ACTL6B: variants seen among roughly 807,000 people sequenced by gnomAD.
The protein encoded by ACTL6B is actin like 6B, also known as actin-like protein 6B.
In ACTL6B, 48 loss-of-function variants were observed where a neutral mutation model predicts 63.3. That is an observed-to-expected ratio of 0.76 (90% CI 0.60 to 0.96). The LOEUF is 0.96. Ranked by LOEUF, ACTL6B falls within the 50% of genes least tolerant of loss-of-function variation. The pLI is 0.00. For synonymous variants in ACTL6B, 230 were observed against 223.8 expected, an observed-to-expected ratio of 1.03 and a Z score of -0.25; for missense variants, 350 against 572.2, an observed-to-expected ratio of 0.61 and a Z score of 3.96.
rs1804039560 is a variant in ACTL6B at position 100,656,347 on chromosome 7, C to G, written c.8G>C (p.Gly3Ala). 1.5e-6 allele frequency: 2 copies of G among 1,376,380 alleles called. No homozygotes were observed. Among genetic ancestry groups the G allele is most frequent in the Non-Finnish European group, 9.4e-7 (1 of 1,059,638 alleles). 85.3% of individuals were successfully genotyped at this position (1,376,380 alleles called of 1,614,324 possible). Residue 3 changes from glycine to alanine, a missense_variant, in exon 1 of 14, where the codon GGG becomes GCG. This residue lies in a region of ACTL6B where 250 missense variants were observed against 364.7 expected (regional missense o/e 0.69). Coordinates refer to ENST00000160382, the MANE Select transcript of ACTL6B (RefSeq NM_016188.5). Reference protein sequence around the residue: MSGGVYGGDEVGA... With the variant: MSAGVYGGDEVGA... ...TCGCTCACCTCCGCCGTAGACGCCC[C>G]CGCTCATAGTGCCCGCTGCGCTGCT...
Position 100,655,408 on chromosome 7 carries a change from G to T in ACTL6B, c.268+13C>A, listed in dbSNP as rs1337400181. 1.9e-6 allele frequency: 3 copies of T among 1,612,656 alleles called. No homozygotes were observed. The highest frequency in any genetic ancestry group is 2.5e-6 in the Non-Finnish European group (3 of 1,179,258). ...CCTTTTCTGTCAGGAGGTGATGGGT[G>T]GGGGCCCCTTACTCATGCCATTCTT... On this transcript the variant is annotated intron_variant, in intron 3 of 13. Transcript: ENST00000160382. The surrounding 1 kb of genome is among the most constrained non-coding windows in gnomAD (Gnocchi z 4.4).
intron 4 of ACTL6B, 22 bp from the exon 5 acceptor site, chr7:100,650,157 G>T (rs762672691): frequency 1.9e-4 from 302 of 1,609,702 alleles, no homozygotes; most frequent in Non-Finnish European, 2.5e-4. Flanking sequence ...GTGCAGAGGG[G>T]GAGGATTCAG....
chr7:100,648,919 G>A lies in ACTL6B; in HGVS notation c.468-96C>T. 8.2e-7 allele frequency: 1 copy of A among 1,225,818 alleles called. No individual in the cohort carries two copies. Among genetic ancestry groups the A allele is most frequent in the Non-Finnish European group, 1.1e-6 (1 of 895,020 alleles). The allele number at this position is 1,225,818 out of a possible 1,614,324, so 75.9% of individuals were successfully genotyped here. On this transcript the variant is annotated intron_variant, in intron 5 of 13. Coordinates refer to ENST00000160382, the MANE Select transcript of ACTL6B (RefSeq NM_016188.5). The surrounding 1 kb of genome is among the most constrained non-coding windows in gnomAD (Gnocchi z 4.4). ...TCACTCTCTGCTCTACCGGGGTCCA[G>A]CCCATCCCCAGTCTGCAAATCTCTC...
Position 100,652,999 on chromosome 7 carries a change from C to CAAAAAAAA in ACTL6B, c.369+2012_369+2019dup. On this transcript the variant is annotated intron_variant, in intron 4 of 13. Coordinates refer to ENST00000160382, the MANE Select transcript of ACTL6B (RefSeq NM_016188.5). ...CTGGTGACAGAGCAAAACTCCGTCT[C>CAAAAAAAA]AAAAAAAAAAAAAAAAAAAAAAAAA... is the stretch of plus-strand genomic sequence containing the variant. 1.2e-3 allele frequency among the ~76,000 whole-genome samples: 30 copies of CAAAAAAAA among 25,938 alleles called. 1 individual carries two copies. Among genetic ancestry groups the CAAAAAAAA allele is most frequent in the East Asian group, 2.1e-3 (1 of 468 alleles). The allele number at this position is 25,938 out of a possible 152,430, so 17.0% of individuals were successfully genotyped here.
At position 100,646,552 on chromosome 7, in the gene ACTL6B, G is replaced by A; in HGVS notation, c.1112C>T (p.Pro371Leu). 1 of 1,614,012 alleles carries A rather than the reference G, an allele frequency of 6.2e-7. No homozygotes were observed. Among genetic ancestry groups the A allele is most frequent in the Middle Eastern group, 1.7e-4 (1 of 6,050 alleles). The part of the protein sequence containing the change: ...LNRELSQKTP[P>L]SMRLKLIASN... ...TCTGGGTCAGGGGTGGGCTCCTACC[G>A]GTGGGGTCTTCTGGGAAAGCTCTCG... is the stretch of plus-strand genomic sequence containing the variant. Residue 371 changes from proline (P) to leucine (L), a missense_variant and splice_region_variant, in exon 12 of 14, where the codon CCG becomes CTG. Transcript: ENST00000160382. This position sits in a 1 kb window ranked among gnomAD's most constrained non-coding sequence, Gnocchi z 6.1.
chr7:100,655,582 T>G lies in ACTL6B; in HGVS notation c.107A>C (p.Asp36Ala). The G allele has an allele frequency of 2.5e-6, 4 of 1,612,172 alleles. No individual in the cohort carries two copies. The highest frequency in any genetic ancestry group is 3.4e-6 in the Non-Finnish European group (4 of 1,179,096). The change falls in exon 3 of 14, where the codon GAC (aspartate) becomes GCC (alanine). Residue 36 changes from aspartate (D) to alanine (A), a missense_variant. Asp to Ala is a moderately radical substitution (Grantham distance 126). This residue lies in a region of ACTL6B where 250 missense variants were observed against 364.7 expected (regional missense o/e 0.69). Transcript: ENST00000160382. This position sits in a 1 kb window ranked among gnomAD's most constrained non-coding sequence, Gnocchi z 4.4. ...CAGCAGCCCCACTGTGGTGGGGAAGTCAGCCTGGTGGGGAAGGGTTGGGGG... is the reference window on the plus strand; with the variant it reads ...CAGCAGCCCCACTGTGGTGGGGAAGGCAGCCTGGTGGGGAAGGGTTGGGGG... ...GYAGEDCPKA[D>A]FPTTVGLLAA...
rs768946880 is a variant in ACTL6B, at chr7:100,643,225, GGT to G, written c.*19_*20del. ...GGACTTCCATCTGAGCTTGGGAGCAGGTGTGTGGGGAGGAGTGCCATCAGGGG... is the reference window on the plus strand; with the variant it reads ...GGACTTCCATCTGAGCTTGGGAGCAGGTGTGGGGAGGAGTGCCATCAGGGG... On this transcript the variant is annotated 3_prime_UTR_variant, in exon 14 of 14. Transcript: ENST00000160382. The G allele has an allele frequency of 6.2e-7, 1 of 1,613,098 alleles. No homozygotes were observed. The highest frequency in any genetic ancestry group is 1.1e-5 in the South Asian group (1 of 91,068).
intron 5 of ACTL6B, among the ~76,000 whole-genome samples, chr7:100,649,139 C>G (rs1277963966): frequency 6.6e-6 from 1 of 151,662 alleles, no homozygotes; most frequent in Non-Finnish European, 1.5e-5. Flanking sequence ...ACTACAGGTG[C>G]CTGCCACCAC....
intron 4 of ACTL6B, among the ~76,000 whole-genome samples, chr7:100,653,128 C>T (rs1803973792): frequency 6.7e-6 from 1 of 149,530 alleles, no homozygotes; most frequent in African/African-American, 2.5e-5. Flanking sequence ...CTGTCTCAGG[C>T]CTGATTAGCA....
chr7:100,647,364 C>A lies in ACTL6B; in HGVS notation c.759+80G>T. On this transcript the variant is annotated intron_variant, in intron 8 of 13. Coordinates refer to ENST00000160382, the MANE Select transcript of ACTL6B (RefSeq NM_016188.5). This position sits in a 1 kb window ranked among gnomAD's most constrained non-coding sequence, Gnocchi z 4.4. ...TGCCCCGCTCCCCCTCCCTGCTCCC[C>A]CTCCCATGCGGGGCCTCTGTCCCGC... 1.2e-6 allele frequency: 2 copies of A among 1,600,856 alleles called. No homozygotes were observed. Among genetic ancestry groups the A allele is most frequent in the Non-Finnish European group, 1.7e-6 (2 of 1,169,450 alleles).
At position 100,646,605 on chromosome 7, in the gene ACTL6B, C is replaced by T; in HGVS notation, c.1059G>A (p.Leu353=). The T allele has an allele frequency of 1.2e-6, 2 of 1,614,040 alleles. No individual in the cohort carries two copies. Among genetic ancestry groups the T allele is most frequent in the Non-Finnish European group, 1.7e-6 (2 of 1,180,024 alleles). Reference sequence around the variant, plus strand: ...TGAGCCTGTCAGTGAAGCCCTGCAGCAGTGTGTTCCCGCCGGTGACAATGA... The same window carrying T: ...TGAGCCTGTCAGTGAAGCCCTGCAGTAGTGTGTTCCCGCCGGTGACAATGA... ...GSVIVTGGNT[L]LQGFTDRLNR... is the part of the protein sequence containing the mutation. The change falls in exon 12 of 14, where the codon CTG becomes CTA. Residue 353 remains leucine, a synonymous_variant. Transcript: ENST00000160382. The surrounding 1 kb of genome is among the most constrained non-coding windows in gnomAD (Gnocchi z 6.1).
rs1464331206 is a variant in ACTL6B at position 100,647,480 on chromosome 7, G to A, written c.723C>T (p.Pro241=). 1 of 1,611,888 alleles carries A rather than the reference G, an allele frequency of 6.2e-7. No individual in the cohort carries two copies. The highest frequency in any genetic ancestry group is 2.2e-5 in the East Asian group (1 of 44,874). ...AGTTATGCCAGGACTTGGAGACCTG[G>A]GGTAGCTTCTCCTTCTTCTTCCAGT... The part of the protein sequence containing the change: ...PPNWKKKEKL[P]QVSKSWHNYM... The change falls in exon 8 of 14, where the codon CCC becomes CCT. Residue 241 remains proline, a synonymous_variant. Coordinates refer to ENST00000160382, the MANE Select transcript of ACTL6B (RefSeq NM_016188.5). The surrounding 1 kb of genome is among the most constrained non-coding windows in gnomAD (Gnocchi z 4.4).
intron 13 of ACTL6B, among the ~76,000 whole-genome samples, chr7:100,643,743 C>T (rs1486622069): frequency 1.3e-5 from 2 of 152,088 alleles, no homozygotes; most frequent in African/African-American, 4.8e-5. Context: ...TCCCTCTTTC[C>T]CAAGGAAGAT....
In ACTL6B at chr7:100,656,314, C is replaced by T. The variant is rs754776026; in HGVS notation, c.25+16G>A. The T allele has an allele frequency of 2.9e-6, 4 of 1,385,474 alleles. No homozygotes were observed. Among genetic ancestry groups the T allele is most frequent in the African/African-American group, 1.5e-5 (1 of 66,164 alleles). The allele number at this position is 1,385,474 out of a possible 1,614,324, so 85.8% of individuals were successfully genotyped here. On this transcript the variant is annotated intron_variant, in intron 1 of 13. Coordinates refer to ENST00000160382, the MANE Select transcript of ACTL6B (RefSeq NM_016188.5). The stretch of plus-strand genomic sequence containing the variant: ...AACGCAGGGCTGCGGGAGCCGGGGG[C>T]CCGAGGCTCGCTCACCTCCGCCGTA...
rs979636076 is a variant in ACTL6B, at chr7:100,647,355, C to T, written c.760-71G>A. 8 of 1,601,274 alleles carry T rather than the reference C, an allele frequency of 5.0e-6. No individual in the cohort carries two copies. The African/African-American group carries it at 1.1e-4, about 21-fold the overall frequency. ...AGCACCCCCTGCCCCGCTCCCCCTC[C>T]CTGCTCCCCCTCCCATGCGGGGCCT... On this transcript the variant is annotated intron_variant, in intron 8 of 13. Coordinates refer to ENST00000160382, the MANE Select transcript of ACTL6B (RefSeq NM_016188.5). The surrounding 1 kb of genome is among the most constrained non-coding windows in gnomAD (Gnocchi z 4.4).
rs1803875826 is a variant in ACTL6B, at chr7:100,648,868, G to A, written c.468-45C>T. Reference sequence around the variant, plus strand: ...TCAAAGAGACAGCAGCAGCAAGTGAGGGGCCTGGGCCCAGATCTTGTCTGG... The same window carrying A: ...TCAAAGAGACAGCAGCAGCAAGTGAAGGGCCTGGGCCCAGATCTTGTCTGG... On this transcript the variant is annotated intron_variant, in intron 5 of 13. Transcript: ENST00000160382. The surrounding 1 kb of genome is among the most constrained non-coding windows in gnomAD (Gnocchi z 4.4). The A allele has an allele frequency of 3.2e-6, 5 of 1,575,676 alleles. No homozygotes were observed. The highest frequency in any genetic ancestry group is 4.3e-6 in the Non-Finnish European group (5 of 1,159,338).
In ACTL6B at chr7:100,645,308, G is replaced by C. The variant is rs1405902649; in HGVS notation, c.1200+941C>G. 2.0e-5 allele frequency among the ~76,000 whole-genome samples: 3 copies of C among 152,032 alleles called. 1 individual carries two copies. Among genetic ancestry groups the C allele is most frequent in the Admixed American group, 2.0e-4 (3 of 15,248 alleles). On this transcript the variant is annotated intron_variant, in intron 13 of 13. Coordinates refer to ENST00000160382, the MANE Select transcript of ACTL6B (RefSeq NM_016188.5). ...TACCTTCCTTCGAACCCAGCAGCAGGTCCAGACTGAACTTACCACCTCCTG... is the reference window on the plus strand; with the variant it reads ...TACCTTCCTTCGAACCCAGCAGCAGCTCCAGACTGAACTTACCACCTCCTG...
intron 4 of ACTL6B, among the ~76,000 whole-genome samples, chr7:100,650,610 GA>G (rs1288861754): frequency 2.0e-5 from 3 of 152,148 alleles, no homozygotes; most frequent in African/African-American, 7.2e-5. Context: ...GCCGAGGCAG[GA>G]GGATTGCTTG....
chr7:100,656,010 G>A lies in ACTL6B; in HGVS notation c.26-131C>T, dbSNP rs906585494. 5 of 964,032 alleles carry A rather than the reference G, an allele frequency of 5.2e-6. No individual in the cohort carries two copies. In the Admixed American group the frequency reaches 1.4e-4, roughly 26 times the overall value. 59.7% of individuals were successfully genotyped at this position (964,032 alleles called of 1,614,324 possible). Reference sequence around the variant, plus strand: ...CCAGTCTGGGGCCGGTGGGAGCTGGGCCTGGAGTCCGAGGTCCTGGGACTG... The same window carrying A: ...CCAGTCTGGGGCCGGTGGGAGCTGGACCTGGAGTCCGAGGTCCTGGGACTG... On this transcript the variant is annotated intron_variant, in intron 1 of 13. Coordinates refer to ENST00000160382, the MANE Select transcript of ACTL6B (RefSeq NM_016188.5).
Sources: gnomAD v4.1 joint callset for allele counts (sites outside exome capture counted in the v4.1 genomes callset) on GRCh38, gnomAD v4.1.1 for gene constraint, gnomAD v4.1.1 regional missense constraint, Gnocchi (gnomAD v3.1) non-coding constraint, MANE v1.5 for transcripts, NCBI Gene and HGNC (gene_info 2026-07-23, HGNC 2026-07-21) for gene names.